Variants in DOT1L observed in about 807,000 individuals in gnomAD.
DOT1L encodes the protein histone-lysine N-methyltransferase, H3 lysine-79 specific.
Under a neutral mutation model 153.3 loss-of-function variants are expected in DOT1L, and 33 were observed. That is an observed-to-expected ratio of 0.22 (90% confidence interval 0.16 to 0.29). DOT1L has a LOEUF of 0.29. Ranked by LOEUF, DOT1L falls within the 10% of genes least tolerant of loss-of-function variation. The probability of loss-of-function intolerance (pLI) is 1.00; values close to 1 mark genes in which losing one functional copy is unlikely to be tolerated. For synonymous variants in DOT1L, 1,135 were observed against 965.1 expected (o/e 1.18, Z -3.26); for missense variants, 1,847 against 2,119.9 (o/e 0.87, Z 2.53).
Position 2,220,570 on chromosome 19 carries a change from T to G in DOT1L, c.2806+348T>G. 5 of 469,742 alleles carry G rather than the reference T, an allele frequency of 1.1e-5. No individual in the cohort carries two copies. Among genetic ancestry groups the G allele is most frequent in the Non-Finnish European group, 1.7e-5 (4 of 235,438 alleles). The allele number at this position is 469,742 out of a possible 1,614,324, so 29.1% of individuals were successfully genotyped here. A position where few individuals can be genotyped will look rare whatever the true frequency, so the allele number is the denominator to read the frequency against. On this transcript the variant is annotated intron_variant, in intron 23 of 27. Transcript: ENST00000398665. The surrounding 1 kb of genome is among the most constrained non-coding windows in gnomAD (Gnocchi z 4.5). ...TCAGGATCGGCTCCACACACAGCAGTGCCCAATGGCACACGACCGTGGGCC... is the reference window on the plus strand; with the variant it reads ...TCAGGATCGGCTCCACACACAGCAGGGCCCAATGGCACACGACCGTGGGCC...
At chr19:2,228,873 G>A (rs573062572) in intron 27 of DOT1L, 10 of 985,432 alleles carry the variant, frequency 1.0e-5, no homozygotes, top group East Asian at 2.3e-4. Context: ...GCCTCTGGTC[G>A]GGGCTGTCTG....
intron 7 of DOT1L, among the ~76,000 whole-genome samples, chr19:2,196,573 C>T (rs942492227): frequency 9.9e-5 from 15 of 152,164 alleles, no homozygotes; most frequent in Admixed American, 3.9e-4. Flanking sequence ...CCTCGTGATC[C>T]GCCTGCCTCT....
rs932250674 is a variant in DOT1L at position 2,204,807 on chromosome 19, A to T, written c.788-1922A>T. On this transcript the variant is annotated intron_variant, in intron 9 of 27. Coordinates refer to ENST00000398665, the MANE Select transcript of DOT1L (RefSeq NM_032482.3). The surrounding 1 kb of genome is among the most constrained non-coding windows in gnomAD (Gnocchi z 5.7). The stretch of plus-strand genomic sequence containing the variant: ...TCATGTTTGAGGTCCTCTGGTAGGG[A>T]TACTGGCCTAACCTGTGTGCCCAGC... Among the ~76,000 whole-genome samples, 2 of 152,040 alleles carry T rather than the reference A, an allele frequency of 1.3e-5. No homozygotes were observed. The highest frequency in any genetic ancestry group is 2.9e-5 in the Non-Finnish European group (2 of 68,004).
chr19:2,214,401 G>T (rs1365015488), intron 18 of DOT1L, 70 bp from the exon 19 acceptor site: 1 of 1,579,582 alleles, frequency 6.3e-7, no homozygotes, highest in Non-Finnish European at 8.6e-7. Flanking sequence ...AGGGAACCCT[G>T]CCCTGAGAGT....
intron 1 of DOT1L, among the ~76,000 whole-genome samples, chr19:2,178,106 A>G (rs1003957976): frequency 7.5e-6 from 1 of 133,754 alleles, no homozygotes; most frequent in Non-Finnish European, 1.6e-5. Context: ...TTTTTTTTGT[A>G]TTTTTCATAG....
intron 16 of DOT1L, 132 bp from the exon 17 acceptor site, chr19:2,213,407 G>T: frequency 2.4e-6 from 2 of 850,944 alleles, no homozygotes; most frequent in Non-Finnish European, 3.7e-6. Flanking sequence ...TCTCAGCCCG[G>T]TGTGGGTCCC....
At position 2,222,130 on chromosome 19, in the gene DOT1L, C is replaced by G; in HGVS notation, c.2961C>G (p.His987Gln). 6.2e-7 allele frequency: 1 copy of G among 1,613,212 alleles called. No homozygotes were observed. Residue 987 changes from histidine (H) to glutamine (Q), a missense_variant, in exon 24 of 28, where the codon CAC (histidine) becomes CAG (glutamine). Physicochemically the swap from His to Gln is conservative, Grantham distance 24. Transcript: ENST00000398665. This position sits in a 1 kb window ranked among gnomAD's most constrained non-coding sequence, Gnocchi z 6.5. ...TVGSRSSTPQ[H>Q]PLLLAQPRNS... The stretch of plus-strand genomic sequence containing the variant: ...GGTCCCGCAGCTCCACGCCACAGCA[C>G]CCCCTGCTGCTGGCACAGCCCCGGA...
chr19:2,226,834 T>G lies in DOT1L; in HGVS notation c.4313T>G (p.Leu1438Arg), dbSNP rs371610616. ...GCGGCGGCCGTGCCTCCCGGAAGCC[T>G]CCTCAGCGGCCCCGGCCTGGCCCCG... is the stretch of plus-strand genomic sequence containing the variant. ...ISAAAVPPGS[L>R]LSGPGLAPAA... Residue 1438 changes from leucine to arginine, a missense_variant, in exon 27 of 28, where the codon CTC (leucine) becomes CGC (arginine). Transcript: ENST00000398665. 3.4e-4 allele frequency: 542 copies of G among 1,579,484 alleles called. No individual in the cohort carries two copies. The highest frequency in any genetic ancestry group is 2.6e-3 in the African/African-American group (190 of 72,186).
chr19:2,171,074 T>G (rs2021594187), intron 1 of DOT1L, among the ~76,000 whole-genome samples: 1 of 152,206 alleles, frequency 6.6e-6, no homozygotes, highest in Admixed American at 6.5e-5. Context: ...AGGATTCTCT[T>G]CCTTCAGCCT....
intron 27 of DOT1L, 147 bp downstream of exon 27, chr19:2,227,274 G>A: frequency 2.9e-6 from 3 of 1,038,576 alleles, no homozygotes; most frequent in Non-Finnish European, 3.0e-6. Flanking sequence ...CGTGCACGGT[G>A]GCGAACTCCA....
Position 2,204,345 on chromosome 19 carries a change from T to C in DOT1L, c.787+1566T>C, listed in dbSNP as rs1020088975. On this transcript the variant is annotated intron_variant, in intron 9 of 27. Transcript: ENST00000398665. This position sits in a 1 kb window ranked among gnomAD's most constrained non-coding sequence, Gnocchi z 5.7. Reference sequence around the variant, plus strand: ...TCTGCGTCTGTGTGCCTTGGGAGTTTGTTTGCATATCTGTGTGTGTGTGTG... The same window carrying C: ...TCTGCGTCTGTGTGCCTTGGGAGTTCGTTTGCATATCTGTGTGTGTGTGTG... Among the ~76,000 whole-genome samples, 14 of 152,142 alleles carry C rather than the reference T, an allele frequency of 9.2e-5. No homozygotes were observed. The highest frequency in any genetic ancestry group is 3.1e-4 in the African/African-American group (13 of 41,418).
In DOT1L at chr19:2,226,799, C is replaced by G; in HGVS notation, c.4278C>G (p.Leu1426=). 1 of 1,580,512 alleles carries G rather than the reference C, an allele frequency of 6.3e-7. No homozygotes were observed. Among genetic ancestry groups the G allele is most frequent in the Non-Finnish European group, 8.5e-7 (1 of 1,170,366 alleles). The change falls in exon 27 of 28, where the codon CTC becomes CTG. Residue 1426 remains leucine (L), a synonymous_variant. Transcript: ENST00000398665. ...REVDLKNGHN[L]FISAAAVPPG... Reference sequence around the variant, plus strand: ...TCGACCTCAAGAATGGCCACAACCTCTTCATCTCTGCGGCGGCCGTGCCTC... The same window carrying G: ...TCGACCTCAAGAATGGCCACAACCTGTTCATCTCTGCGGCGGCCGTGCCTC...
At chr19:2,196,206 C>A (rs999484141) in intron 7 of DOT1L, among the ~76,000 whole-genome samples, 3 of 152,258 alleles carry the variant, frequency 2.0e-5, no homozygotes, top group Non-Finnish European at 2.9e-5. Flanking sequence ...TGCAGGGCCC[C>A]GATCCCTGGT....
At chr19:2,209,461 C>G (rs780543424) in intron 12 of DOT1L, among the ~76,000 whole-genome samples, 18 of 152,214 alleles carry the variant, frequency 1.2e-4, no homozygotes, top group Non-Finnish European at 2.4e-4. Flanking sequence ...GCTGGCTGCC[C>G]CCTCTTGAGG....
intron 19 of DOT1L, chr19:2,215,406 C>T (rs1278163416): frequency 6.6e-6 from 1 of 152,274 alleles, no homozygotes; most frequent in Non-Finnish European, 1.5e-5. Context: ...TGGGCGGTGC[C>T]CACAGCTGCC....
chr19:2,189,535 C>T (rs984881286), intron 3 of DOT1L, among the ~76,000 whole-genome samples, 197 bp from the exon 4 acceptor site: 39 of 152,370 alleles, frequency 2.6e-4, no homozygotes, highest in African/African-American at 8.4e-4. Context: ...CCGGCCACCT[C>T]GCTTGTGTGT....
intron 9 of DOT1L, 109 bp from the exon 10 acceptor site, chr19:2,206,619 GC>G: frequency 9.6e-7 from 1 of 1,044,928 alleles, no homozygotes; most frequent in Non-Finnish European, 1.5e-6. Context: ...AGGACCCGGA[GC>G]CCAGTGTGTG....
intron 1 of DOT1L, among the ~76,000 whole-genome samples, chr19:2,178,280 T>C (rs1474542590): frequency 6.9e-6 from 1 of 144,958 alleles, no homozygotes; most frequent in Non-Finnish European, 1.5e-5. Flanking sequence ...CGTTTCACCA[T>C]GTCTTTGGGA....
At chr19:2,205,229 C>A (rs976738134) in intron 9 of DOT1L, among the ~76,000 whole-genome samples, 9 of 152,134 alleles carry the variant, frequency 5.9e-5, no homozygotes, top group Non-Finnish European at 7.4e-5. Context: ...CCTCGGCCTC[C>A]CAAAGTGCTG....
Sources: gnomAD v4.1 joint callset for allele counts (sites outside exome capture counted in the v4.1 genomes callset) on GRCh38, gnomAD v4.1.1 for gene constraint, Gnocchi (gnomAD v3.1) non-coding constraint, MANE v1.5 for transcripts, NCBI Gene and HGNC (gene_info 2026-07-23, HGNC 2026-07-21) for gene names.